FAM8A1: variants seen among roughly 807,000 people sequenced by gnomAD.
The protein encoded by FAM8A1 is protein FAM8A1.
In FAM8A1, 18 loss-of-function variants were observed where a neutral mutation model predicts 38.3. That is an observed-to-expected ratio of 0.47 (90% CI 0.33 to 0.70). FAM8A1 has a LOEUF of 0.70. FAM8A1 is among the 30% of genes least tolerant of loss of function. FAM8A1 has a pLI of 0.03. For synonymous variants in FAM8A1, 246 were observed against 234.4 expected (o/e 1.05, Z -0.45); for missense variants, 559 against 559.6 (o/e 1.00, Z 0.01).
rs1045547461 is a variant in FAM8A1 at position 17,611,307 on chromosome 6, G to C, written c.*2968G>C. On this transcript the variant is annotated 3_prime_UTR_variant, in exon 5 of 5. Transcript: ENST00000259963. ...TTTCTAGCAAAGGAAGGGTAGAAAG[G>C]AATTGAAAATTAATTTACACTAGTT... 1 of 152,550 alleles carries C rather than the reference G, an allele frequency of 6.6e-6. No homozygotes were observed. The highest frequency in any genetic ancestry group is 1.5e-5 in the Non-Finnish European group (1 of 68,010). 9.4% of individuals were successfully genotyped at this position (152,550 alleles called of 1,614,324 possible). A position where few individuals can be genotyped will look rare whatever the true frequency, so the allele number is the denominator to read the frequency against.
In FAM8A1 at chr6:17,602,768, T is replaced by G; in HGVS notation, c.833+58T>G. 9.7e-6 allele frequency: 15 copies of G among 1,551,256 alleles called. No homozygotes were observed. In the South Asian group the frequency reaches 1.8e-4, roughly 19 times the overall value. ...TTTCTACTGTTTAATGATCTTGTTT[T>G]ATTACATTCTGTTTGTCTACACGTG... On this transcript the variant is annotated intron_variant, in intron 2 of 4. Transcript: ENST00000259963.
At chr6:17,605,762 C>CAATT in intron 3 of FAM8A1, 112 bp from the exon 4 acceptor site, 3 of 1,064,750 alleles carry the variant, frequency 2.8e-6, no homozygotes. Flanking sequence ...GTATTCTATG[C>CAATT]AATTCTTTCA....
chr6:17,603,337 A>G (rs1024788575), intron 2 of FAM8A1, among the ~76,000 whole-genome samples: 21 of 152,146 alleles, frequency 1.4e-4, no homozygotes, highest in Admixed American at 7.9e-4. Flanking sequence ...CCACCATTTT[A>G]TAGAGTTTGA....
At chr6:17,602,264 T>TGG (rs1763995136) in intron 1 of FAM8A1, among the ~76,000 whole-genome samples, 1 of 152,264 alleles carries the variant, frequency 6.6e-6, no homozygotes, top group Non-Finnish European at 1.5e-5. Flanking sequence ...CTCGAACTCC[T>TGG]GGCCTCAAGC....
rs1764129871 is a variant in FAM8A1 at position 17,610,722 on chromosome 6, G to T, written c.*2383G>T. 6.6e-6 allele frequency: 1 copy of T among 152,106 alleles called. No individual in the cohort carries two copies. The highest frequency in any genetic ancestry group is 1.5e-5 in the Non-Finnish European group (1 of 67,992). 9.4% of individuals were successfully genotyped at this position (152,106 alleles called of 1,614,324 possible). On this transcript the variant is annotated 3_prime_UTR_variant, in exon 5 of 5. Coordinates refer to ENST00000259963, the MANE Select transcript of FAM8A1 (RefSeq NM_016255.3). ...GAAGCTGTAGCCTAAAAAGCCAAAA[G>T]AAAGTTGTCTTCATTGTACAAACAT...
chr6:17,608,175 T>C lies in FAM8A1; in HGVS notation c.1098-20T>C, dbSNP rs745358207. ...GGTTTGATGTGTAACTTACCTGATA[T>C]TTTTGTTTTAACTTTTTAGGTCCAC... On this transcript the variant is annotated intron_variant, in intron 4 of 4. Transcript: ENST00000259963. The C allele has an allele frequency of 1.3e-5, 21 of 1,612,540 alleles. No individual in the cohort carries two copies. The highest frequency in any genetic ancestry group is 2.2e-5 in the East Asian group (1 of 44,846).
rs775250154 is a variant in FAM8A1, at chr6:17,600,837, G to T, written c.428G>T (p.Ser143Ile). Residue 143 changes from serine (S) to isoleucine (I), a missense_variant, in exon 1 of 5, where the codon AGC becomes ATC. Ser to Ile is a moderately radical substitution (Grantham distance 142, BLOSUM62 -2). This residue lies in a region of FAM8A1 where 393 missense variants were observed against 338.9 expected (regional missense o/e 1.16). Coordinates refer to ENST00000259963, the MANE Select transcript of FAM8A1 (RefSeq NM_016255.3). ...CTGGCCGCCTTCCCAGCCTACTGCA[G>T]CCCCCAGCCCTCCCCGCAGAGCTTC... The part of the protein sequence containing the change: ...SGLAAFPAYC[S>I]PQPSPQSFPS... 7.5e-6 allele frequency: 12 copies of T among 1,610,206 alleles called. No individual in the cohort carries two copies. Among genetic ancestry groups the T allele is most frequent in the Non-Finnish European group, 1.0e-5 (12 of 1,179,586 alleles).
chr6:17,601,070 G>A lies in FAM8A1; in HGVS notation c.661G>A (p.Val221Ile). The A allele has an allele frequency of 1.3e-6, 2 of 1,599,262 alleles. No individual in the cohort carries two copies. Among genetic ancestry groups the A allele is most frequent in the Non-Finnish European group, 1.7e-6 (2 of 1,175,434 alleles). The change falls in exon 1 of 5, where the codon GTA becomes ATA. Residue 221 changes from valine (V) to isoleucine (I), a missense_variant. Physicochemically the swap from Val to Ile is conservative, Grantham distance 29 (BLOSUM62 3). Coordinates refer to ENST00000259963, the MANE Select transcript of FAM8A1 (RefSeq NM_016255.3). The stretch of plus-strand genomic sequence containing the variant: ...GGTCCGGGCCACTCCAGTGACGAGG[G>A]TAGGATCCGCAGCCCCTTCGCGAAG... ...ASVRATPVTRVGSAAPSRSPS... is the reference protein window; with the variant it reads ...ASVRATPVTRIGSAAPSRSPS...
chr6:17,605,385 T>C (rs1764039068), intron 3 of FAM8A1, among the ~76,000 whole-genome samples: 2 of 152,198 alleles, frequency 1.3e-5, no homozygotes. Context: ...TAGCCAACAA[T>C]CTAATTTTAG....
In FAM8A1 at chr6:17,611,684, A is replaced by ATTAT. The variant is rs1376318616; in HGVS notation, c.*3348_*3351dup. ...AATAATTTGTATGCCACCAATTTGTATTATTTGTCTCAATAAATACTTAGT... is the reference window on the plus strand; with the variant it reads ...AATAATTTGTATGCCACCAATTTGTATTATTTATTTGTCTCAATAAATACTTAGT... On this transcript the variant is annotated 3_prime_UTR_variant, in exon 5 of 5. Transcript: ENST00000259963. 6.6e-6 allele frequency: 1 copy of ATTAT among 152,158 alleles called. No homozygotes were observed. The highest frequency in any genetic ancestry group is 2.4e-5 in the African/African-American group (1 of 41,444). 9.4% of individuals were successfully genotyped at this position (152,158 alleles called of 1,614,324 possible).
In FAM8A1 at chr6:17,600,858, G is replaced by C; in HGVS notation, c.449G>C (p.Ser150Thr). Residue 150 changes from serine to threonine, a missense_variant, in exon 1 of 5, where the codon AGC becomes ACC. This residue lies in a region of FAM8A1 where 393 missense variants were observed against 338.9 expected (regional missense o/e 1.16). Transcript: ENST00000259963. ...TGCAGCCCCCAGCCCTCCCCGCAGAGCTTCCCTTCGGGCGGCGCTGCAGTC... is the reference window on the plus strand; with the variant it reads ...TGCAGCCCCCAGCCCTCCCCGCAGACCTTCCCTTCGGGCGGCGCTGCAGTC... ...AYCSPQPSPQ[S>T]FPSGGAAVPQ... 6.2e-7 allele frequency: 1 copy of C among 1,608,814 alleles called. No homozygotes were observed. The highest frequency in any genetic ancestry group is 8.5e-7 in the Non-Finnish European group (1 of 1,179,350).
chr6:17,601,308 TTTC>T (rs1405441077), intron 1 of FAM8A1, among the ~76,000 whole-genome samples, 187 bp downstream of exon 1: 2 of 152,178 alleles, frequency 1.3e-5, no homozygotes, highest in Non-Finnish European at 2.9e-5. Flanking sequence ...GGCAATACAG[TTTC>T]TTCTTCCTTT....
rs1443437204 is a variant in FAM8A1, at chr6:17,600,878, G to A, written c.469G>A (p.Ala157Thr). The A allele has an allele frequency of 6.2e-7, 1 of 1,605,158 alleles. No homozygotes were observed. The highest frequency in any genetic ancestry group is 8.5e-7 in the Non-Finnish European group (1 of 1,177,944). Reference protein sequence around the residue: ...SPQSFPSGGAAVPQAAAPPPP... With the variant: ...SPQSFPSGGATVPQAAAPPPP... ...GCAGAGCTTCCCTTCGGGCGGCGCTGCAGTCCCCCAGGCCGCGGCGCCGCC... is the reference window on the plus strand; with the variant it reads ...GCAGAGCTTCCCTTCGGGCGGCGCTACAGTCCCCCAGGCCGCGGCGCCGCC... The change falls in exon 1 of 5, where the codon GCA becomes ACA. Residue 157 changes from alanine (A) to threonine (T), a missense_variant. Ala to Thr is a moderately conservative substitution (Grantham distance 58). Transcript: ENST00000259963.
At chr6:17,604,804 A>G (rs1764029809) in intron 2 of FAM8A1, 102 bp from the exon 3 acceptor site, 1 of 900,880 alleles carries the variant, frequency 1.1e-6, no homozygotes, top group African/African-American at 1.7e-5. Flanking sequence ...AGATTAGTTT[A>G]GAATTTCAAT....
intron 2 of FAM8A1, among the ~76,000 whole-genome samples, chr6:17,604,389 G>T (rs1337972058): frequency 2.0e-5 from 3 of 152,134 alleles, no homozygotes; most frequent in Non-Finnish European, 4.4e-5. Flanking sequence ...ACACCAAACT[G>T]CTTACAGCTT....
At chr6:17,602,162 C>T (rs1240108004) in intron 1 of FAM8A1, among the ~76,000 whole-genome samples, 1 of 152,210 alleles carries the variant, frequency 6.6e-6, no homozygotes, top group African/African-American at 2.4e-5. Flanking sequence ...TCCCTAGTAG[C>T]TGGGACTAAA....
intron 1 of FAM8A1, among the ~76,000 whole-genome samples, chr6:17,602,205 A>T (rs1255554040): frequency 6.6e-6 from 1 of 152,152 alleles, no homozygotes; most frequent in African/African-American, 2.4e-5. Flanking sequence ...TAATTTTTGT[A>T]TTTTTTGTTG....
In FAM8A1 at chr6:17,600,816, C is replaced by T. The variant is rs1273509975; in HGVS notation, c.407C>T (p.Ala136Val). ...CGYLTWHSGL[A>V]AFPAYCSPQP... ...TACCTCACCTGGCACAGCGGCCTGGCCGCCTTCCCAGCCTACTGCAGCCCC... is the reference window on the plus strand; with the variant it reads ...TACCTCACCTGGCACAGCGGCCTGGTCGCCTTCCCAGCCTACTGCAGCCCC... Residue 136 changes from alanine to valine, a missense_variant, in exon 1 of 5, where the codon GCC (alanine) becomes GTC (valine). By Grantham distance (64) the Ala-to-Val change is moderately conservative. Coordinates refer to ENST00000259963, the MANE Select transcript of FAM8A1 (RefSeq NM_016255.3). 1.2e-6 allele frequency: 2 copies of T among 1,610,892 alleles called. No individual in the cohort carries two copies. The highest frequency in any genetic ancestry group is 1.7e-6 in the Non-Finnish European group (2 of 1,179,698).
rs1454674015 is a variant in FAM8A1, at chr6:17,609,453, C to G, written c.*1114C>G. 1 of 152,090 alleles carries G rather than the reference C, an allele frequency of 6.6e-6. No homozygotes were observed. Among genetic ancestry groups the G allele is most frequent in the African/African-American group, 2.4e-5 (1 of 41,412 alleles). 9.4% of individuals were successfully genotyped at this position (152,090 alleles called of 1,614,324 possible). On this transcript the variant is annotated 3_prime_UTR_variant, in exon 5 of 5. Coordinates refer to ENST00000259963, the MANE Select transcript of FAM8A1 (RefSeq NM_016255.3). The stretch of plus-strand genomic sequence containing the variant: ...CCATTATGGACTATTCTCTCTAAAG[C>G]AAGAGAGACTAGCATTCCCAGACAT...
Sources: allele counts gnomAD v4.1 joint callset (sites outside exome capture counted in the v4.1 genomes callset), GRCh38; gene constraint gnomAD v4.1.1; regional missense constraint gnomAD v4.1.1; transcripts MANE v1.5; gene names NCBI Gene and HGNC (gene_info 2026-07-23, HGNC 2026-07-21).